Variants in ADAP2 observed in about 807,000 individuals in gnomAD.
The protein encoded by ADAP2 is ArfGAP with dual PH domains 2, also known as arf-GAP with dual PH domain-containing protein 2.
In ADAP2, 42 loss-of-function variants were observed where a neutral mutation model predicts 54.9. The ratio of observed to expected loss-of-function variants is 0.77; its 90% CI spans 0.60 to 0.99. The LOEUF (loss-of-function observed/expected upper bound fraction) is 0.99, where lower values mean the gene tolerates loss of function less well. ADAP2 is among the 50% of genes least tolerant of loss of function. The probability of loss-of-function intolerance (pLI) is 0.00; values close to 1 mark genes in which losing one functional copy is unlikely to be tolerated. For missense variants in ADAP2, 429 were observed against 480.4 expected (o/e 0.89, Z 1.00); for synonymous variants, 177 against 180.1 (o/e 0.98, Z 0.14).
intron 5 of ADAP2, among the ~76,000 whole-genome samples, chr17:30,940,343 C>T (rs113074297): frequency 0.011 from 1,722 of 150,830 alleles, 25 homozygotes; most frequent in Non-Finnish European, 0.011. Flanking sequence ...CTCGCTTCAT[C>T]GCCCAGGCTG....
intron 5 of ADAP2, among the ~76,000 whole-genome samples, chr17:30,937,213 C>A (rs755526597): frequency 4.0e-5 from 6 of 151,162 alleles, no homozygotes; most frequent in Non-Finnish European, 8.8e-5. Context: ...CGTGAGCCAC[C>A]GCGCCCGGCC....
At position 30,922,573 on chromosome 17, in the gene ADAP2, C is replaced by T. The variant is rs575564916; in HGVS notation, c.95-367C>T. Among the ~76,000 whole-genome samples, 683 of 152,290 alleles carry T rather than the reference C, an allele frequency of 4.5e-3. 7 individuals are homozygous for T. Among genetic ancestry groups the T allele is most frequent in the Non-Finnish European group, 4.4e-3 (297 of 68,012 alleles). On this transcript the variant is annotated intron_variant, in intron 1 of 10. Transcript: ENST00000330889. ...GTGCCCCCTGCCCGCTCCCAGACGC[C>T]CCCCGAAGGCCTCCCCAGCGCCCCA...
chr17:30,922,658 C>T (rs1910719481), intron 1 of ADAP2, among the ~76,000 whole-genome samples: 1 of 152,188 alleles, frequency 6.6e-6, no homozygotes. Flanking sequence ...CGCGCCGAGC[C>T]CCGCGGTGCG....
chr17:30,956,620 A>G (rs1482240555), intron 10 of ADAP2, 151 bp downstream of exon 10: 1 of 800,620 alleles, frequency 1.2e-6, no homozygotes, highest in East Asian at 2.7e-5. Context: ...AAAGAAAAGC[A>G]CAGACATGCC....
At chr17:30,922,751 A>G (rs975086538) in intron 1 of ADAP2, among the ~76,000 whole-genome samples, 189 bp from the exon 2 acceptor site, 5 of 152,150 alleles carry the variant, frequency 3.3e-5, no homozygotes, top group African/African-American at 9.7e-5. Context: ...CGGGCCCTGA[A>G]CTGCCTCCAG....
chr17:30,936,580 T>C (rs1911900045), intron 5 of ADAP2, among the ~76,000 whole-genome samples: 1 of 151,972 alleles, frequency 6.6e-6, no homozygotes, highest in African/African-American at 2.4e-5. Flanking sequence ...ATGTGCTTAT[T>C]GGCCATTTGT....
chr17:30,958,585 C>T lies in ADAP2; in HGVS notation c.*716C>T, dbSNP rs1272554086. ...ATGGAGACCCAAGGAGCTGGGAGGT[C>T]TCTTAAGAGACTCTCTGATTCTCCG... On this transcript the variant is annotated 3_prime_UTR_variant, in exon 11 of 11. Coordinates refer to ENST00000330889, the MANE Select transcript of ADAP2 (RefSeq NM_018404.3). 2.0e-5 allele frequency: 3 copies of T among 152,360 alleles called. No individual in the cohort carries two copies. The East Asian group carries it at 5.8e-4, about 29-fold the overall frequency. The allele number at this position is 152,360 out of a possible 1,614,324, so 9.4% of individuals were successfully genotyped here.
Position 30,957,818 on chromosome 17 carries a change from CT to C in ADAP2, c.1112-15del, listed in dbSNP as rs761194984. On this transcript the variant is annotated splice_polypyrimidine_tract_variant and intron_variant, in intron 10 of 10. Transcript: ENST00000330889. ...TGGCATGGCCACCTCCCTCAGCCCTCTTCATTTCCCTTGCAGCTGCATCAAC... is the reference window on the plus strand; with the variant it reads ...TGGCATGGCCACCTCCCTCAGCCCTCTCATTTCCCTTGCAGCTGCATCAAC... The C allele has an allele frequency of 1.9e-6, 3 of 1,613,760 alleles. No individual in the cohort carries two copies. In the East Asian group the frequency reaches 6.7e-5, roughly 36 times the overall value.
intron 7 of ADAP2, among the ~76,000 whole-genome samples, chr17:30,952,952 T>C (rs916651564): frequency 6.6e-6 from 1 of 152,098 alleles, no homozygotes; most frequent in East Asian, 1.9e-4. Context: ...GAATTGCACC[T>C]GGAGCCTGAT....
intron 10 of ADAP2, chr17:30,956,898 G>T (rs1905117089): frequency 5.7e-6 from 1 of 176,452 alleles, no homozygotes. Flanking sequence ...ACTCCAGAGG[G>T]AAGGCTATTT....
At chr17:30,953,109 C>T (rs768057029) in intron 7 of ADAP2, among the ~76,000 whole-genome samples, 179 bp from the exon 8 acceptor site, 6 of 152,124 alleles carry the variant, frequency 3.9e-5, no homozygotes, top group African/African-American at 1.4e-4. Context: ...GGGGTGCTGT[C>T]GACTGGCTTT....
intron 5 of ADAP2, among the ~76,000 whole-genome samples, chr17:30,943,729 C>G (rs1168370862): frequency 6.6e-6 from 1 of 152,060 alleles, no homozygotes; most frequent in Non-Finnish European, 1.5e-5. Context: ...TGTCTGTAAT[C>G]CCAGCTACTC....
chr17:30,945,110 G>A (rs1912569359), intron 6 of ADAP2, 57 bp downstream of exon 6: 10 of 1,587,810 alleles, frequency 6.3e-6, no homozygotes, highest in Admixed American at 1.8e-5. Context: ...GACTTGGCAG[G>A]TGCAGCTCAC....
intron 7 of ADAP2, among the ~76,000 whole-genome samples, chr17:30,952,365 T>G (rs1904729810): frequency 6.6e-6 from 1 of 152,158 alleles, no homozygotes; most frequent in Admixed American, 6.5e-5. Flanking sequence ...TGGCATCATT[T>G]TCTTTTCTTT....
rs1283465859 is a variant in ADAP2 at position 30,934,193 on chromosome 17, G to C, written c.406G>C (p.Glu136Gln). The C allele has an allele frequency of 1.2e-6, 2 of 1,613,934 alleles. No individual in the cohort carries two copies. The highest frequency in any genetic ancestry group is 1.3e-5 in the African/African-American group (1 of 75,050). The change falls in exon 5 of 11, where the codon GAA (glutamate) becomes CAA (glutamine). Residue 136 changes from glutamate (E) to glutamine (Q), a missense_variant. Transcript: ENST00000330889. ...GETISLPGNR[E>Q]GFLWKRGRDN... The stretch of plus-strand genomic sequence containing the variant: ...CATCCTTGCTGCTTAAGGTAACCGA[G>C]AAGGATTCCTGTGGAAGCGAGGAAG...
Position 30,922,961 on chromosome 17 carries a change from A to G in ADAP2, c.116A>G (p.Lys39Arg). The stretch of plus-strand genomic sequence containing the variant: ...GCAGATCCCGACTGGGCCTCTTACA[A>G]GCTGGGGATCTTCATCTGTCTCAAC... ...GAADPDWASYKLGIFICLNCC... is the reference protein window; with the variant it reads ...GAADPDWASYRLGIFICLNCC... The change falls in exon 2 of 11, where the codon AAG becomes AGG. Residue 39 changes from lysine (K) to arginine (R), a missense_variant. Coordinates refer to ENST00000330889, the MANE Select transcript of ADAP2 (RefSeq NM_018404.3). The G allele has an allele frequency of 6.2e-7, 1 of 1,613,910 alleles. No individual in the cohort carries two copies.
In ADAP2 at chr17:30,953,312, T is replaced by A. The variant is rs1904819843; in HGVS notation, c.766T>A (p.Tyr256Asn). Residue 256 changes from tyrosine (Y) to asparagine (N), a missense_variant, in exon 8 of 11, where the codon TAC (tyrosine) becomes AAC (asparagine). Transcript: ENST00000330889. ...SELVPFLTRN[Y>N]LKQGFMEKTG... is the part of the protein sequence containing the mutation. ...GCTCGTGCCATTCCTCACCAGGAAC[T>A]ACCTCAAACAAGGCTTCATGGAAAA... 2 of 1,614,086 alleles carry A rather than the reference T, an allele frequency of 1.2e-6. No individual in the cohort carries two copies. The highest frequency in any genetic ancestry group is 4.5e-5 in the East Asian group (2 of 44,880).
chr17:30,937,309 C>T (rs1407610369), intron 5 of ADAP2, among the ~76,000 whole-genome samples: 6 of 148,992 alleles, frequency 4.0e-5, no homozygotes, highest in African/African-American at 9.9e-5. Context: ...GCAACCTCCA[C>T]CTCCCGGGTT....
chr17:30,924,228 C>G (rs1910862654), intron 2 of ADAP2, among the ~76,000 whole-genome samples: 2 of 152,042 alleles, frequency 1.3e-5, no homozygotes, highest in African/African-American at 4.8e-5. Context: ...CAAAAATTAG[C>G]TGGGTGTGAT....
Sources: allele counts gnomAD v4.1 joint callset (sites outside exome capture counted in the v4.1 genomes callset), GRCh38; gene constraint gnomAD v4.1.1; transcripts MANE v1.5; gene names NCBI Gene and HGNC (gene_info 2026-07-23, HGNC 2026-07-21).